DNAH3: variants seen among roughly 807,000 people sequenced by gnomAD.
The protein encoded by DNAH3 is dynein axonemal heavy chain 3.
A neutral mutation model predicts 432.5 loss-of-function variants in DNAH3; 332 were observed. The ratio of observed to expected loss-of-function variants is 0.77; its 90% CI spans 0.70 to 0.84. The LOEUF (loss-of-function observed/expected upper bound fraction) is 0.84. Among genes scored for constraint, DNAH3 ranks in the 40% least tolerant of loss-of-function variants. The probability of loss-of-function intolerance (pLI) is 0.00; values close to 1 mark genes in which losing one functional copy is unlikely to be tolerated. For synonymous variants in DNAH3, 1,956 were observed against 1,900.2 expected, an observed-to-expected ratio of 1.03 and a Z score of -0.76; for missense variants, 4,861 against 5,114.0, an observed-to-expected ratio of 0.95 and a Z score of 1.51.
intron 59 of DNAH3, among the ~76,000 whole-genome samples, chr16:20,940,718 C>T (rs1054343339): frequency 6.6e-6 from 1 of 152,028 alleles, no homozygotes; most frequent in Non-Finnish European, 1.5e-5. Flanking sequence ...AGGCGTTAGC[C>T]ACTGTGCCCA....
At chr16:21,051,645 C>T in intron 29 of DNAH3, 25 bp downstream of exon 29, 1 of 1,610,800 alleles carries the variant, frequency 6.2e-7, no homozygotes, top group East Asian at 2.2e-5. Context: ...GTTCACCCCT[C>T]AGATCTAGGA....
intron 51 of DNAH3, among the ~76,000 whole-genome samples, chr16:20,974,869 AG>A (rs1418196197): frequency 6.6e-6 from 1 of 151,448 alleles, no homozygotes; most frequent in Non-Finnish European, 1.5e-5. Flanking sequence ...CCCAGGCTGG[AG>A]TGCAGTGGTG....
At chr16:21,061,231 CTTTTT>C (rs11383667) in intron 25 of DNAH3, among the ~76,000 whole-genome samples, 2 of 102,824 alleles carry the variant, frequency 1.9e-5, no homozygotes, top group Non-Finnish European at 3.8e-5. Context: ...GGCGATAGGC[CTTTTT>C]TTTTTTTTTT....
At chr16:20,980,920 C>T (rs2085867862) in intron 49 of DNAH3, among the ~76,000 whole-genome samples, 1 of 152,144 alleles carries the variant, frequency 6.6e-6, no homozygotes, top group South Asian at 2.1e-4. Flanking sequence ...CTCAACTCTG[C>T]CATTTTAGTG....
chr16:21,104,297 A>C (rs1597383757), intron 16 of DNAH3, 174 bp downstream of exon 16: 3 of 630,504 alleles, frequency 4.8e-6, no homozygotes, highest in Non-Finnish European at 8.6e-6. Context: ...TCTTAAAGAA[A>C]ACATCCCTCA....
chr16:20,952,019 A>G (rs920611442), intron 56 of DNAH3, among the ~76,000 whole-genome samples: 2 of 151,950 alleles, frequency 1.3e-5, no homozygotes, highest in Non-Finnish European at 2.9e-5. Context: ...CTGGGCTTAC[A>G]GGCGTGAGCC....
In DNAH3 at chr16:21,114,556, A is replaced by T. The variant is rs1250985145; in HGVS notation, c.1815-2458T>A. 2.0e-5 allele frequency among the ~76,000 whole-genome samples: 3 copies of T among 152,294 alleles called. No individual in the cohort carries two copies. In the East Asian group the frequency reaches 5.8e-4, roughly 29 times the overall value. On this transcript the variant is annotated intron_variant, in intron 12 of 61. Coordinates refer to ENST00000261383, the Ensembl canonical transcript of DNAH3. The stretch of plus-strand genomic sequence containing the variant: ...CGTGGAACTGTCAATCCAGAAAGAC[A>T]AACAACCCCATCAAAAAGTGGGCGA...
exon 53 of DNAH3, chr16:20,963,700 A>G (rs766657682): frequency 6.2e-7 from 1 of 1,613,882 alleles, no homozygotes; most frequent in East Asian, 2.2e-5. Flanking sequence ...AGTGAGAAGG[A>G]AGTACCACAC....
At chr16:20,937,695 AT>A (rs1275910470) in intron 59 of DNAH3, among the ~76,000 whole-genome samples, 4 of 150,274 alleles carry the variant, frequency 2.7e-5, no homozygotes, top group Admixed American at 1.3e-4. Flanking sequence ...TGCCCACCTG[AT>A]TTTTTTTTAA....
At chr16:21,101,184 C>G (rs1157469487) in intron 16 of DNAH3, among the ~76,000 whole-genome samples, 1 of 152,172 alleles carries the variant, frequency 6.6e-6, no homozygotes, top group African/African-American at 2.4e-5. Context: ...CAGTTATCAT[C>G]TAAGACAAAG....
chr16:20,960,388 T>C (rs2084764341), intron 53 of DNAH3, among the ~76,000 whole-genome samples: 1 of 152,178 alleles, frequency 6.6e-6, no homozygotes, highest in African/African-American at 2.4e-5. Context: ...CTTCATGTTA[T>C]GAAGGCCAGA....
chr16:20,986,268 G>A (rs973147595), intron 47 of DNAH3, among the ~76,000 whole-genome samples: 1 of 151,970 alleles, frequency 6.6e-6, no homozygotes, highest in African/African-American at 2.4e-5. Flanking sequence ...ACTTTGGGAG[G>A]CCGAGGCAGA....
intron 8 of DNAH3, among the ~76,000 whole-genome samples, 192 bp from the exon 10 acceptor site, chr16:21,125,562 T>A (rs1425889877): frequency 6.6e-6 from 1 of 152,230 alleles, no homozygotes; most frequent in Non-Finnish European, 1.5e-5. Context: ...TAATAAGATT[T>A]GAATTAAGAG....
chr16:20,974,659 G>C (rs1238755491), intron 51 of DNAH3, among the ~76,000 whole-genome samples: 1 of 143,258 alleles, frequency 7.0e-6, no homozygotes, highest in Non-Finnish European at 1.5e-5. Context: ...AGGCTCTGGC[G>C]ATCCTCCTGC....
intron 12 of DNAH3, among the ~76,000 whole-genome samples, chr16:21,114,200 G>A (rs114140511): frequency 2.4e-3 from 359 of 152,170 alleles, no homozygotes; most frequent in African/African-American, 8.2e-3. Flanking sequence ...AAGCAAAACC[G>A]CAGACAAAGG....
At chr16:20,978,857 T>C (rs1005021595) in intron 50 of DNAH3, among the ~76,000 whole-genome samples, 3 of 152,038 alleles carry the variant, frequency 2.0e-5, no homozygotes, top group Admixed American at 6.6e-5. Context: ...CACCTTTTTA[T>C]AGAAGAGGAA....
chr16:20,989,558 C>T (rs2086429866), intron 44 of DNAH3, among the ~76,000 whole-genome samples: 1 of 152,276 alleles, frequency 6.6e-6, no homozygotes, highest in Non-Finnish European at 1.5e-5. Context: ...CCCCACCAGA[C>T]TCAGGAGCCC....
chr16:21,067,390 G>A (rs778718794), exon 24 of DNAH3: 11 of 1,613,724 alleles, frequency 6.8e-6, no homozygotes, highest in Admixed American at 6.7e-5. Context: ...GTGGCTGGTC[G>A]GCTGCCACCA....
In DNAH3 at chr16:20,991,562, C is replaced by T. The variant is rs1021820031; in HGVS notation, c.6602-3497G>A. Among the ~76,000 whole-genome samples, 4 of 152,310 alleles carry T rather than the reference C, an allele frequency of 2.6e-5. No individual in the cohort carries two copies. The East Asian group carries it at 7.7e-4, about 29-fold the overall frequency. On this transcript the variant is annotated intron_variant, in intron 44 of 61. Transcript: ENST00000261383. ...TACAGACGTGAGCCTCTGCACCTGGCCTCATATGTATTTCTTAAGGTCTCT... is the reference window on the plus strand; with the variant it reads ...TACAGACGTGAGCCTCTGCACCTGGTCTCATATGTATTTCTTAAGGTCTCT...
Sources: gnomAD v4.1 joint callset for allele counts (sites outside exome capture counted in the v4.1 genomes callset) on GRCh38, gnomAD v4.1.1 for gene constraint, MANE v1.5 for transcripts, NCBI Gene and HGNC (gene_info 2026-07-23, HGNC 2026-07-21) for gene names.